The following CRTAC1 variants were observed in gnomAD, a reference collection of about 807,000 sequenced individuals.
The protein encoded by CRTAC1 is cartilage acidic protein 1, also known as acidic secreted protein in cartilage.
Under a neutral mutation model 67.8 loss-of-function variants are expected in CRTAC1, and 37 were observed. The observed-to-expected ratio is 0.55, with a 90% CI of 0.42 to 0.72. The LOEUF (loss-of-function observed/expected upper bound fraction) is 0.72. CRTAC1 is among the 30% of genes least tolerant of loss of function. The pLI is 0.00. For missense variants in CRTAC1, 780 were observed against 931.6 expected, an observed-to-expected ratio of 0.84 and a Z score of 2.12; for synonymous variants, 348 against 371.0, an observed-to-expected ratio of 0.94 and a Z score of 0.71.
chr10:98,011,952 T>C (rs931552012), intron 1 of CRTAC1, among the ~76,000 whole-genome samples: 2 of 152,030 alleles, frequency 1.3e-5, no homozygotes, highest in Non-Finnish European at 2.9e-5. Flanking sequence ...ATAGATGCAA[T>C]GAAAGACTGT....
chr10:97,896,670 A>AC (rs1476260644), intron 9 of CRTAC1, among the ~76,000 whole-genome samples: 1 of 150,974 alleles, frequency 6.6e-6, no homozygotes, highest in South Asian at 2.1e-4. Flanking sequence ...CCATTCCCCC[A>AC]CCCCCCATCA....
chr10:97,998,348 C>A (rs1842625092), intron 2 of CRTAC1, among the ~76,000 whole-genome samples: 1 of 152,132 alleles, frequency 6.6e-6, no homozygotes, highest in Non-Finnish European at 1.5e-5. Flanking sequence ...ATTTGGGAAG[C>A]ACAGACCAGG....
At position 98,002,485 on chromosome 10, in the gene CRTAC1, C is replaced by T. The variant is rs141201460; in HGVS notation, c.224+8653G>A. On this transcript the variant is annotated intron_variant, in intron 2 of 14. Coordinates refer to ENST00000370597, the MANE Select transcript of CRTAC1 (RefSeq NM_018058.7). ...CCTTCCAAGGCCATTGAAATGCCAC[C>T]TCCAGACCTCTGTGATTCCCAGCTG... 3.6e-3 allele frequency among the ~76,000 whole-genome samples: 553 copies of T among 152,268 alleles called. 2 individuals carry two copies. Among genetic ancestry groups the T allele is most frequent in the African/African-American group, 0.013 (522 of 41,542 alleles).
intron 2 of CRTAC1, among the ~76,000 whole-genome samples, chr10:97,946,006 T>C (rs1196768649): frequency 6.6e-6 from 1 of 152,174 alleles, no homozygotes; most frequent in Non-Finnish European, 1.5e-5. Flanking sequence ...GCAGGGACTA[T>C]CCTATGCAGC....
At chr10:97,994,905 C>T (rs946480767) in intron 2 of CRTAC1, among the ~76,000 whole-genome samples, 1 of 152,206 alleles carries the variant, frequency 6.6e-6, no homozygotes, top group Non-Finnish European at 1.5e-5. Flanking sequence ...GTGAGGAGCT[C>T]TGGAATGCAT....
intron 14 of CRTAC1, 165 bp from the exon 15 acceptor site, chr10:97,865,879 GTCCC>G (rs1435712547): frequency 9.6e-7 from 1 of 1,038,504 alleles, no homozygotes; most frequent in East Asian, 2.7e-5. Context: ...TATGCCCCCT[GTCCC>G]TCACCCCCGT....
At chr10:98,026,392 A>G (rs2136710770) in intron 1 of CRTAC1, among the ~76,000 whole-genome samples, 1 of 152,316 alleles carries the variant, frequency 6.6e-6, no homozygotes, top group Admixed American at 6.5e-5. Context: ...GTCTAATGCC[A>G]CTTCTCAAGC....
rs535116552 is a variant in CRTAC1, at chr10:97,988,645, G to A, written c.224+22493C>T. Among the ~76,000 whole-genome samples the A allele has an allele frequency of 4.3e-4, 65 of 152,268 alleles. 1 individual carries two copies. Among genetic ancestry groups the A allele is most frequent in the African/African-American group, 1.5e-3 (61 of 41,564 alleles). ...TGAGGCAAGAGAATTGCTTGAACCC[G>A]GGAGGCGGAGGTTGCGGTGAGCCGA... On this transcript the variant is annotated intron_variant, in intron 2 of 14. Transcript: ENST00000370597.
intron 2 of CRTAC1, among the ~76,000 whole-genome samples, chr10:97,997,328 C>G (rs1842601878): frequency 6.7e-6 from 1 of 148,308 alleles, no homozygotes; most frequent in African/African-American, 2.5e-5. Context: ...TGGCATGCCC[C>G]TGTAGTCCCA....
intron 14 of CRTAC1, chr10:97,870,870 G>A (rs1244613972): frequency 2.0e-5 from 3 of 152,208 alleles, no homozygotes; most frequent in South Asian, 2.1e-4. Flanking sequence ...ACCTCGACCC[G>A]ACTGCATTCA....
intron 2 of CRTAC1, among the ~76,000 whole-genome samples, chr10:97,970,327 T>C (rs368230059): frequency 4.6e-5 from 7 of 152,216 alleles, no homozygotes; most frequent in East Asian, 3.8e-4. Context: ...ATTCTCAACA[T>C]GAAAATCAGA....
chr10:97,935,029 C>G (rs7084840), intron 3 of CRTAC1, among the ~76,000 whole-genome samples: 14,552 of 152,034 alleles, frequency 0.096, 2,223 homozygotes, highest in African/African-American at 0.32. Context: ...AGCACAGCCC[C>G]CAAATCATGA....
intron 14 of CRTAC1, among the ~76,000 whole-genome samples, chr10:97,872,457 G>A (rs1048912596): frequency 6.6e-6 from 1 of 152,150 alleles, no homozygotes; most frequent in Non-Finnish European, 1.5e-5. Context: ...ACCTATCCTG[G>A]GAGAGGAGGG....
Position 97,906,494 on chromosome 10 carries a change from C to T in CRTAC1, c.850+1519G>A, listed in dbSNP as rs77030172. ...CAATTACGGGCCTAGCACCTTGCCT[C>T]TCTCCTCCCGCCTGATACCTTCTCC... On this transcript the variant is annotated intron_variant, in intron 6 of 14. Transcript: ENST00000370597. Among the ~76,000 whole-genome samples the T allele has an allele frequency of 3.9e-5, 6 of 152,314 alleles. 1 individual carries two copies. In the East Asian group the frequency reaches 1.2e-3, roughly 29 times the overall value.
At position 97,904,751 on chromosome 10, in the gene CRTAC1, T is replaced by C. The variant is rs2050586837; in HGVS notation, c.914A>G (p.Lys305Arg). 6.2e-7 allele frequency: 1 copy of C among 1,607,810 alleles called. No homozygotes were observed. Among genetic ancestry groups the C allele is most frequent in the Non-Finnish European group, 8.5e-7 (1 of 1,177,372 alleles). Residue 305 changes from lysine to arginine, a missense_variant, in exon 7 of 15, where the codon AAA becomes AGA. Lys to Arg is a conservative substitution (Grantham distance 26). Transcript: ENST00000370597. ...CCAGTTGCCATAGACGATGTCCACT[T>C]TGCCATCACGGTTGAAGTCAGCCAG... ...VALADFNRDGKVDIVYGNWNG... is the reference protein window; with the variant it reads ...VALADFNRDGRVDIVYGNWNG...
chr10:97,994,875 A>G (rs1402024269), intron 2 of CRTAC1, among the ~76,000 whole-genome samples: 1 of 152,178 alleles, frequency 6.6e-6, no homozygotes, highest in African/African-American at 2.4e-5. Context: ...CAAGGAGCAG[A>G]TCCGGCCACC....
intron 1 of CRTAC1, among the ~76,000 whole-genome samples, chr10:98,012,448 T>C (rs997779338): frequency 6.6e-6 from 1 of 152,180 alleles, no homozygotes; most frequent in African/African-American, 2.4e-5. Flanking sequence ...AAAGGCTGCA[T>C]GGGTCTAGTC....
At chr10:97,920,653 C>T (rs960437339) in intron 4 of CRTAC1, among the ~76,000 whole-genome samples, 5 of 152,202 alleles carry the variant, frequency 3.3e-5, no homozygotes, top group African/African-American at 1.2e-4. Context: ...GGTCCAGGGC[C>T]ATTAGCCCGG....
intron 5 of CRTAC1, among the ~76,000 whole-genome samples, chr10:97,909,630 T>TA (rs2050661604): frequency 6.6e-6 from 1 of 152,102 alleles, no homozygotes; most frequent in Non-Finnish European, 1.5e-5. Flanking sequence ...ACAGACATTA[T>TA]AAAAAACAGT....
Sources: allele counts gnomAD v4.1 joint callset (sites outside exome capture counted in the v4.1 genomes callset), GRCh38; gene constraint gnomAD v4.1.1; transcripts MANE v1.5; gene names NCBI Gene and HGNC (gene_info 2026-07-23, HGNC 2026-07-21).